Variants in NAALADL2 observed in about 807,000 individuals in gnomAD.
The protein encoded by NAALADL2 is N-acetylated alpha-linked acidic dipeptidase like 2, also known as inactive N-acetylated-alpha-linked acidic dipeptidase-like protein 2.
Under a neutral mutation model 87.2 loss-of-function variants are expected in NAALADL2, and 76 were observed. That is an observed-to-expected ratio of 0.87 (90% CI 0.72 to 1.05). The LOEUF (loss-of-function observed/expected upper bound fraction) is 1.05, where lower values mean the gene tolerates loss of function less well. Ranked by LOEUF, NAALADL2 falls within the 50% of genes least tolerant of loss-of-function variation. The pLI, the probability that NAALADL2 is intolerant of heterozygous loss-of-function variation, is 0.00. For synonymous variants in NAALADL2, 354 were observed against 331.0 expected, an observed-to-expected ratio of 1.07 and a Z score of -0.75; for missense variants, 1,089 against 945.8, an observed-to-expected ratio of 1.15 and a Z score of -1.99.
chr3:175,158,735 A>G (rs369189973), intron 2 of NAALADL2, among the ~76,000 whole-genome samples: 4 of 152,118 alleles, frequency 2.6e-5, no homozygotes, highest in African/African-American at 9.7e-5. Flanking sequence ...TGCCAAGAAA[A>G]AGGAGCAAAG....
chr3:175,507,704 G>A (rs995552628), intron 9 of NAALADL2, among the ~76,000 whole-genome samples: 34 of 152,180 alleles, frequency 2.2e-4, no homozygotes, highest in East Asian at 1.9e-4. Context: ...GATTACAGGC[G>A]TGAGCCACTG....
intron 11 of NAALADL2, among the ~76,000 whole-genome samples, chr3:175,734,328 A>T (rs2150073735): frequency 6.6e-6 from 1 of 152,032 alleles, no homozygotes; most frequent in Non-Finnish European, 1.5e-5. Flanking sequence ...GCCAAAGCGG[A>T]AGGATCATGA....
chr3:175,085,321 C>T (rs573002656), intron 1 of NAALADL2, among the ~76,000 whole-genome samples: 19 of 152,236 alleles, frequency 1.2e-4, no homozygotes, highest in African/African-American at 1.9e-4. Flanking sequence ...GCTGTTTTTC[C>T]TGTTAATACT....
At chr3:174,678,375 A>G (rs1328839666) in intron 2 of NAALADL2, among the ~76,000 whole-genome samples, 2 of 152,172 alleles carry the variant, frequency 1.3e-5, no homozygotes, top group African/African-American at 4.8e-5. Context: ...TTTCCCTGAA[A>G]TCACCAGTTC....
intron 3 of NAALADL2, among the ~76,000 whole-genome samples, chr3:175,245,852 G>A (rs1747875075): frequency 6.6e-6 from 1 of 152,198 alleles, no homozygotes; most frequent in African/African-American, 2.4e-5. Context: ...ACTAGAACTT[G>A]TGCTGTACTA....
At chr3:175,200,037 G>T (rs1472833025) in intron 2 of NAALADL2, among the ~76,000 whole-genome samples, 1 of 151,062 alleles carries the variant, frequency 6.6e-6, no homozygotes, top group Non-Finnish European at 1.5e-5. Context: ...CATTAGTTCA[G>T]CTGGCATGAT....
intron 1 of NAALADL2, among the ~76,000 whole-genome samples, chr3:174,508,500 A>C (rs1719372074): frequency 6.6e-6 from 1 of 152,210 alleles, no homozygotes; most frequent in Non-Finnish European, 1.5e-5. Flanking sequence ...ATATGCCAAC[A>C]TCTACAAAAA....
At chr3:174,608,932 A>G (rs377255616) in intron 2 of NAALADL2, among the ~76,000 whole-genome samples, 32 of 151,590 alleles carry the variant, frequency 2.1e-4, no homozygotes, top group Admixed American at 1.4e-3. Flanking sequence ...CTGGCAAACC[A>G]AATCCAGCAG....
chr3:174,572,144 A>T (rs536236238), intron 2 of NAALADL2, among the ~76,000 whole-genome samples: 2 of 151,946 alleles, frequency 1.3e-5, no homozygotes, highest in South Asian at 4.2e-4. Context: ...CTTCTTAGTT[A>T]TTGAGACAGA....
At chr3:175,182,449 A>G (rs1472279324) in intron 2 of NAALADL2, among the ~76,000 whole-genome samples, 3 of 151,016 alleles carry the variant, frequency 2.0e-5, no homozygotes, top group Non-Finnish European at 4.4e-5. Context: ...GTGCAGTGAC[A>G]TGATTATAGC....
intron 5 of NAALADL2, among the ~76,000 whole-genome samples, chr3:175,344,052 G>T (rs753744522): frequency 6.6e-6 from 1 of 151,976 alleles, no homozygotes; most frequent in Non-Finnish European, 1.5e-5. Context: ...GTTTAATACC[G>T]ACAAGCAATC....
At chr3:175,138,887 A>AATATATAT (rs58824117) in intron 2 of NAALADL2, among the ~76,000 whole-genome samples, 3,897 of 94,662 alleles carry the variant, frequency 0.041, 169 homozygotes, top group African/African-American at 0.093. Flanking sequence ...AGCCTTTTAA[A>AATATATAT]ATATATATAT....
chr3:175,407,045 G>T (rs1214211965), intron 5 of NAALADL2, among the ~76,000 whole-genome samples: 3 of 152,030 alleles, frequency 2.0e-5, no homozygotes, highest in African/African-American at 7.2e-5. Context: ...TTAGCCAGGT[G>T]TAGTGGCATG....
chr3:175,498,248 G>T (rs551224102), intron 9 of NAALADL2, among the ~76,000 whole-genome samples: 59 of 152,154 alleles, frequency 3.9e-4, no homozygotes, highest in South Asian at 1.5e-3. Flanking sequence ...TTAAAAAGAA[G>T]GTAGTGAGAA....
At chr3:175,775,209 G>A (rs946909630) in intron 13 of NAALADL2, 3 of 151,466 alleles carry the variant, frequency 2.0e-5, no homozygotes, top group Non-Finnish European at 4.4e-5. Context: ...AAAAGGAAAA[G>A]TAAATATGGG....
intron 11 of NAALADL2, among the ~76,000 whole-genome samples, chr3:175,699,508 T>C (rs1218790325): frequency 2.6e-5 from 4 of 152,144 alleles, no homozygotes; most frequent in African/African-American, 9.6e-5. Flanking sequence ...GAGCCTCCCA[T>C]TGATATTCCA....
intron 2 of NAALADL2, among the ~76,000 whole-genome samples, chr3:174,586,595 T>A (rs1172629580): frequency 6.6e-6 from 1 of 152,188 alleles, no homozygotes; most frequent in African/African-American, 2.4e-5. Flanking sequence ...CACTTTCACT[T>A]AACATCCTCC....
chr3:175,414,276 A>G (rs973414895), intron 5 of NAALADL2, among the ~76,000 whole-genome samples: 3 of 152,162 alleles, frequency 2.0e-5, no homozygotes, highest in Non-Finnish European at 4.4e-5. Flanking sequence ...TTTGTCAATG[A>G]TGAATAGTGA....
At chr3:175,254,907 T>C (rs1030985324) in intron 3 of NAALADL2, among the ~76,000 whole-genome samples, 1 of 152,188 alleles carries the variant, frequency 6.6e-6, no homozygotes, top group African/African-American at 2.4e-5. Context: ...ACAAATGCAT[T>C]TGAAAGTACA....
Sources: allele counts gnomAD v4.1 joint callset (sites outside exome capture counted in the v4.1 genomes callset), GRCh38; gene constraint gnomAD v4.1.1; transcripts MANE v1.5; gene names NCBI Gene and HGNC (gene_info 2026-07-23, HGNC 2026-07-21).